The following MYLK variants were observed in gnomAD, a reference collection of about 807,000 sequenced individuals.
The protein encoded by MYLK is myosin light chain kinase.
MYLK carries 106 observed loss-of-function variants against 203.4 expected under a neutral mutation model. The observed-to-expected ratio is 0.52, with a 90% confidence interval of 0.45 to 0.61. The LOEUF (loss-of-function observed/expected upper bound fraction) is 0.61. Among genes scored for constraint, MYLK ranks in the 20% least tolerant of loss-of-function variants. The pLI, the probability that MYLK is intolerant of heterozygous loss-of-function variation, is 0.00. For synonymous variants in MYLK, 867 were observed against 959.5 expected (o/e 0.90, Z 1.78); for missense variants, 2,072 against 2,442.3 (o/e 0.85, Z 3.20).
intron 19 of MYLK, among the ~76,000 whole-genome samples, chr3:123,684,283 T>C (rs144078188): frequency 9.1e-4 from 139 of 152,250 alleles, no homozygotes; most frequent in African/African-American, 3.2e-3. Context: ...GGATGACTGA[T>C]ATTTGGCCAA....
intron 24 of MYLK, among the ~76,000 whole-genome samples, chr3:123,653,483 T>A (rs2059286757): frequency 6.6e-6 from 1 of 152,206 alleles, no homozygotes; most frequent in Non-Finnish European, 1.5e-5. Flanking sequence ...AGTAGCTTCC[T>A]GTCTGGAAGC....
At chr3:123,690,524 A>G (rs535277547) in intron 19 of MYLK, among the ~76,000 whole-genome samples, 1 of 152,292 alleles carries the variant, frequency 6.6e-6, no homozygotes, top group Non-Finnish European at 1.5e-5. Flanking sequence ...TAGCCTAGCC[A>G]GTGGGGTGGA....
At chr3:123,737,266 G>T in intron 8 of MYLK, 112 bp downstream of exon 8, 3 of 1,338,238 alleles carry the variant, frequency 2.2e-6, no homozygotes, top group Non-Finnish European at 3.2e-6. Flanking sequence ...GCCTGGGTGT[G>T]TGAGTGGGCC....
intron 18 of MYLK, among the ~76,000 whole-genome samples, chr3:123,695,548 T>C (rs2060885919): frequency 1.3e-5 from 2 of 152,184 alleles, no homozygotes; most frequent in African/African-American, 2.4e-5. Context: ...AAAGATAATA[T>C]ATAGTTTCTG....
Position 123,815,273 on chromosome 3 carries a change from G to A in MYLK, c.-4+16275C>T, listed in dbSNP as rs558882657. Among the ~76,000 whole-genome samples the A allele has an allele frequency of 3.9e-5, 6 of 152,182 alleles. No homozygotes were observed. The East Asian group carries it at 9.7e-4, about 24-fold the overall frequency. ...ATTTTACTCTCCTGCCTCAGCCTCC[G>A]TTTAAGCTTGTTCTTCTTGATCTGG... On this transcript the variant is annotated intron_variant, in intron 3 of 33. Coordinates refer to ENST00000360304, the MANE Select transcript of MYLK (RefSeq NM_053025.4).
chr3:123,859,421 C>A (rs1028661458), intron 2 of MYLK, among the ~76,000 whole-genome samples: 2 of 152,216 alleles, frequency 1.3e-5, no homozygotes, highest in Non-Finnish European at 2.9e-5. Context: ...CCTAATCACA[C>A]CTCCAACACA....
chr3:123,788,816 GCCCA>G (rs1249740090), intron 4 of MYLK, among the ~76,000 whole-genome samples: 5 of 152,062 alleles, frequency 3.3e-5, no homozygotes, highest in Non-Finnish European at 4.4e-5. Flanking sequence ...TTATCACAAA[GCCCA>G]CCTCAGCAAA....
chr3:123,633,002 C>T (rs34043681), intron 29 of MYLK, among the ~76,000 whole-genome samples: 14,299 of 151,954 alleles, frequency 0.094, 1,569 homozygotes, highest in East Asian at 0.36. Flanking sequence ...CACCATGTTG[C>T]CCAGGCTAGT....
At chr3:123,788,591 T>C (rs530089596) in intron 4 of MYLK, among the ~76,000 whole-genome samples, 3 of 133,768 alleles carry the variant, frequency 2.2e-5, no homozygotes, top group African/African-American at 5.5e-5. Flanking sequence ...CCTGTGTCCA[T>C]GTGTTCTCAT....
chr3:123,853,256 A>G (rs1316177287), intron 2 of MYLK, among the ~76,000 whole-genome samples: 1 of 152,180 alleles, frequency 6.6e-6, no homozygotes, highest in Non-Finnish European at 1.5e-5. Context: ...GGAAGGGACT[A>G]AAATTGATTA....
chr3:123,683,170 C>G (rs998297858), intron 19 of MYLK, among the ~76,000 whole-genome samples: 1 of 152,286 alleles, frequency 6.6e-6, no homozygotes, highest in East Asian at 1.9e-4. Context: ...CCAGCACTTT[C>G]ACTGGCCTTC....
At chr3:123,692,892 AG>A in intron 18 of MYLK, 41 bp from the exon 19 acceptor site, 1 of 1,548,808 alleles carries the variant, frequency 6.5e-7, no homozygotes, top group Non-Finnish European at 8.9e-7. Context: ...GTGTGGTCGT[AG>A]TACCTGCCCT....
chr3:123,742,912 G>A (rs1371616424), intron 5 of MYLK, among the ~76,000 whole-genome samples: 1 of 152,164 alleles, frequency 6.6e-6, no homozygotes, highest in Non-Finnish European at 1.5e-5. Flanking sequence ...GAAATGTCCA[G>A]GAGAGGCAAA....
At chr3:123,818,498 T>TGGACAACA (rs1168349950) in intron 3 of MYLK, among the ~76,000 whole-genome samples, 11 of 152,080 alleles carry the variant, frequency 7.2e-5, no homozygotes, top group Admixed American at 2.6e-4. Flanking sequence ...GAGACAAGCC[T>TGGACAACA]GGACAACACG....
intron 13 of MYLK, among the ~76,000 whole-genome samples, chr3:123,719,982 A>C (rs1576724821): frequency 6.6e-6 from 1 of 152,108 alleles, no homozygotes; most frequent in African/African-American, 2.4e-5. Flanking sequence ...TGCCAGGCTC[A>C]CCCTGCTCCA....
At chr3:123,730,879 G>T (rs1251670547) in intron 11 of MYLK, among the ~76,000 whole-genome samples, 1 of 152,134 alleles carries the variant, frequency 6.6e-6, no homozygotes, top group Non-Finnish European at 1.5e-5. Context: ...CCACTGAATT[G>T]TGTACTTTAA....
At chr3:123,677,192 T>C (rs766475120) in intron 20 of MYLK, among the ~76,000 whole-genome samples, 1 of 152,224 alleles carries the variant, frequency 6.6e-6, no homozygotes, top group Non-Finnish European at 1.5e-5. Flanking sequence ...AGGAGAGTTA[T>C]TAATCTCAAC....
chr3:123,877,549 A>G (rs944801409), intron 1 of MYLK, among the ~76,000 whole-genome samples: 1 of 152,236 alleles, frequency 6.6e-6, no homozygotes, highest in Non-Finnish European at 1.5e-5. Context: ...AATCACAATA[A>G]GAAGCCTGAG....
intron 4 of MYLK, among the ~76,000 whole-genome samples, chr3:123,774,768 G>A (rs2064007547): frequency 6.6e-6 from 1 of 152,132 alleles, no homozygotes; most frequent in Non-Finnish European, 1.5e-5. Context: ...AATGAAACCG[G>A]CCTTCTTCAT....
Sources: gnomAD v4.1 joint callset for allele counts (sites outside exome capture counted in the v4.1 genomes callset) on GRCh38, gnomAD v4.1.1 for gene constraint, MANE v1.5 for transcripts, NCBI Gene and HGNC (gene_info 2026-07-23, HGNC 2026-07-21) for gene names.